NELL1: variants seen among roughly 807,000 people sequenced by gnomAD.
The protein encoded by NELL1 is neural EGFL like 1.
Under a neutral mutation model 107.4 loss-of-function variants are expected in NELL1, and 76 were observed. That is an observed-to-expected ratio of 0.71 (90% CI 0.59 to 0.86). NELL1 has a LOEUF of 0.86. Ranked by LOEUF, NELL1 falls within the 40% of genes least tolerant of loss-of-function variation. NELL1 has a pLI of 0.00. For synonymous variants in NELL1, 353 were observed against 341.2 expected (o/e 1.03, Z -0.38); for missense variants, 1,024 against 1,005.5 (o/e 1.02, Z -0.25).
chr11:20,915,084 A>T (rs540711731), intron 5 of NELL1, among the ~76,000 whole-genome samples: 2 of 152,182 alleles, frequency 1.3e-5, no homozygotes, highest in South Asian at 4.1e-4. Flanking sequence ...CTACAATAGG[A>T]ACTTCAGGGG....
At chr11:20,683,542 T>G (rs1240015292) in intron 2 of NELL1, among the ~76,000 whole-genome samples, 1 of 152,026 alleles carries the variant, frequency 6.6e-6, no homozygotes, top group Non-Finnish European at 1.5e-5. Flanking sequence ...CTGTTTTCTG[T>G]GTTCTTTGTT....
chr11:21,166,202 A>T (rs1438502472), intron 13 of NELL1, among the ~76,000 whole-genome samples: 1 of 151,688 alleles, frequency 6.6e-6, no homozygotes, highest in Non-Finnish European at 1.5e-5. Context: ...GAAGATAGGG[A>T]GTAGAAGGAT....
chr11:20,707,646 G>A (rs985289448), intron 2 of NELL1, among the ~76,000 whole-genome samples: 2 of 152,206 alleles, frequency 1.3e-5, no homozygotes, highest in African/African-American at 4.8e-5. Flanking sequence ...TCCAGACCCT[G>A]TTTGCCTGGG....
chr11:21,351,788 A>C (rs1215582729), intron 14 of NELL1, among the ~76,000 whole-genome samples: 1 of 152,192 alleles, frequency 6.6e-6, no homozygotes, highest in African/African-American at 2.4e-5. Flanking sequence ...TGCTTATGCC[A>C]GCCCAAGTTC....
intron 14 of NELL1, among the ~76,000 whole-genome samples, chr11:21,230,364 A>T (rs1016538611): frequency 1.5e-4 from 23 of 152,310 alleles, no homozygotes; most frequent in African/African-American, 5.3e-4. Context: ...TGTAAGCTCC[A>T]TGACAGTGAA....
At chr11:21,021,880 A>G (rs781266641) in intron 12 of NELL1, among the ~76,000 whole-genome samples, 2 of 152,014 alleles carry the variant, frequency 1.3e-5, no homozygotes, top group Non-Finnish European at 2.9e-5. Context: ...CATGTCTTCT[A>G]CTCTGGCGTT....
At chr11:20,822,451 T>A (rs1469961088) in intron 3 of NELL1, among the ~76,000 whole-genome samples, 1 of 151,606 alleles carries the variant, frequency 6.6e-6, no homozygotes, top group Non-Finnish European at 1.5e-5. Flanking sequence ...TGCGACAAAC[T>A]TTTTTTTTCT....
At chr11:21,147,332 C>T (rs1007200026) in intron 13 of NELL1, among the ~76,000 whole-genome samples, 32 of 152,144 alleles carry the variant, frequency 2.1e-4, no homozygotes, top group African/African-American at 6.5e-4. Context: ...TGTAATGTGC[C>T]GCATTCCCCA....
At chr11:20,952,600 C>T (rs1429783030) in intron 11 of NELL1, among the ~76,000 whole-genome samples, 2 of 152,196 alleles carry the variant, frequency 1.3e-5, no homozygotes, top group Admixed American at 1.3e-4. Context: ...ACCAGTTCCT[C>T]TGCATATTGA....
intron 4 of NELL1, among the ~76,000 whole-genome samples, chr11:20,864,260 A>G (rs1330495493): frequency 6.6e-6 from 1 of 152,238 alleles, no homozygotes; most frequent in African/African-American, 2.4e-5. Flanking sequence ...TGGAATGGTT[A>G]GAACTAGCTA....
At chr11:21,493,111 G>C (rs966932276) in intron 15 of NELL1, among the ~76,000 whole-genome samples, 5 of 152,012 alleles carry the variant, frequency 3.3e-5, no homozygotes, top group Non-Finnish European at 7.4e-5. Context: ...AGTATGCAGA[G>C]AAAAGGGAAC....
At chr11:21,251,022 A>G (rs1858624662) in intron 14 of NELL1, among the ~76,000 whole-genome samples, 1 of 152,110 alleles carries the variant, frequency 6.6e-6, no homozygotes, top group Non-Finnish European at 1.5e-5. Context: ...TCGGTTCTGA[A>G]TGCTTAAATG....
chr11:21,013,403 T>A (rs550515376), intron 12 of NELL1, among the ~76,000 whole-genome samples: 17 of 152,150 alleles, frequency 1.1e-4, no homozygotes, highest in Admixed American at 2.6e-4. Flanking sequence ...AGGGGCCAAT[T>A]TGGCTCCAAA....
intron 3 of NELL1, among the ~76,000 whole-genome samples, chr11:20,819,407 A>C (rs1293953607): frequency 1.3e-5 from 2 of 152,176 alleles, no homozygotes; most frequent in African/African-American, 4.8e-5. Flanking sequence ...GTCAGTAATA[A>C]AACATCTCCT....
At chr11:21,276,745 A>C (rs142159141) in intron 14 of NELL1, among the ~76,000 whole-genome samples, 1 of 152,200 alleles carries the variant, frequency 6.6e-6, no homozygotes, top group South Asian at 2.1e-4. Flanking sequence ...ATAATGCCAC[A>C]TATCTACAAC....
At chr11:21,067,292 C>A (rs548731726) in intron 12 of NELL1, among the ~76,000 whole-genome samples, 3 of 152,124 alleles carry the variant, frequency 2.0e-5, no homozygotes, top group Non-Finnish European at 4.4e-5. Context: ...TTCTGGACAG[C>A]GCTGAAGTCA....
At chr11:21,332,467 A>G (rs893645407) in intron 14 of NELL1, among the ~76,000 whole-genome samples, 1 of 151,856 alleles carries the variant, frequency 6.6e-6, no homozygotes, top group Non-Finnish European at 1.5e-5. Context: ...GGATCCCTTT[A>G]TTTGTATCCC....
At chr11:21,465,606 C>T (rs1016657427) in intron 15 of NELL1, among the ~76,000 whole-genome samples, 1 of 152,056 alleles carries the variant, frequency 6.6e-6, no homozygotes, top group African/African-American at 2.4e-5. Context: ...CTCTCAGACC[C>T]TCATTCATTC....
At chr11:21,159,961 C>A (rs1360309894) in intron 13 of NELL1, among the ~76,000 whole-genome samples, 1 of 152,190 alleles carries the variant, frequency 6.6e-6, no homozygotes, top group Non-Finnish European at 1.5e-5. Flanking sequence ...GACCTAACAA[C>A]CAGAATGTCC....
Sources: gnomAD v4.1 joint callset for allele counts (sites outside exome capture counted in the v4.1 genomes callset) on GRCh38, gnomAD v4.1.1 for gene constraint, MANE v1.5 for transcripts, NCBI Gene and HGNC (gene_info 2026-07-23, HGNC 2026-07-21) for gene names.